Variants in SOX6 observed in about 807,000 individuals in gnomAD.
SOX6 encodes SRY-box transcription factor 6.
A neutral mutation model predicts 97.8 loss-of-function variants in SOX6; 11 were observed. That is an observed-to-expected ratio of 0.11 (90% CI 0.07 to 0.19). The LOEUF (loss-of-function observed/expected upper bound fraction) is 0.19, where lower values mean the gene tolerates loss of function less well. Ranked by LOEUF, SOX6 falls within the 10% of genes least tolerant of loss-of-function variation. SOX6 has a pLI of 1.00. For missense variants in SOX6, 810 were observed against 1,039.5 expected, an observed-to-expected ratio of 0.78 and a Z score of 3.04; for synonymous variants, 360 against 371.4, an observed-to-expected ratio of 0.97 and a Z score of 0.35.
At chr11:16,103,251 G>A (rs952521870) in intron 7 of SOX6, among the ~76,000 whole-genome samples, 13 of 151,582 alleles carry the variant, frequency 8.6e-5, no homozygotes, top group Non-Finnish European at 1.8e-4. Context: ...ATACACAAAT[G>A]GCCAATGATC....
intron 4 of SOX6, among the ~76,000 whole-genome samples, chr11:16,215,407 G>GT (rs1274340517): frequency 2.6e-5 from 4 of 152,154 alleles, no homozygotes; most frequent in Non-Finnish European, 4.4e-5. Context: ...TGTTATTAAA[G>GT]TTCTATTCAT....
intron 3 of SOX6, among the ~76,000 whole-genome samples, chr11:16,676,227 C>T (rs1194195192): frequency 6.6e-6 from 1 of 152,216 alleles, no homozygotes; most frequent in East Asian, 1.9e-4. Flanking sequence ...TTATGCTTCT[C>T]AACACCATAA....
At chr11:16,211,056 C>T (rs1458840791) in intron 4 of SOX6, among the ~76,000 whole-genome samples, 2 of 151,952 alleles carry the variant, frequency 1.3e-5, no homozygotes, top group African/African-American at 2.4e-5. Flanking sequence ...TGCAAAAGTC[C>T]TAATGTGGTG....
At chr11:16,033,494 T>C (rs1411128682) in intron 12 of SOX6, among the ~76,000 whole-genome samples, 1 of 152,146 alleles carries the variant, frequency 6.6e-6, no homozygotes, top group East Asian at 1.9e-4. Flanking sequence ...CCTGGAGAAA[T>C]CATTTCATGG....
At chr11:16,310,022 C>A (rs1855551747) in intron 3 of SOX6, among the ~76,000 whole-genome samples, 1 of 152,018 alleles carries the variant, frequency 6.6e-6, no homozygotes, top group African/African-American at 2.4e-5. Flanking sequence ...AAATCAGAAA[C>A]AATTGCCTGC....
intron 4 of SOX6, among the ~76,000 whole-genome samples, chr11:16,205,328 A>G (rs1351392281): frequency 4.6e-5 from 7 of 152,218 alleles, no homozygotes; most frequent in Non-Finnish European, 7.4e-5. Context: ...AAAGACTTCA[A>G]TGCCCATCAC....
chr11:16,418,653 G>GA (rs1406502877), intron 1 of SOX6, among the ~76,000 whole-genome samples: 1 of 151,796 alleles, frequency 6.6e-6, no homozygotes, highest in African/African-American at 2.4e-5. Flanking sequence ...ATTACTGTGG[G>GA]AAAAAACAGT....
At chr11:16,079,602 G>A (rs1327358604) in intron 9 of SOX6, among the ~76,000 whole-genome samples, 1 of 151,844 alleles carries the variant, frequency 6.6e-6, no homozygotes, top group Non-Finnish European at 1.5e-5. Context: ...TATAAATATC[G>A]AGACATAAGG....
chr11:16,317,907 G>C lies in SOX6; in HGVS notation c.445+539C>G, dbSNP rs1390503144. ...GTGAACTCTTGTACAGAGTAGAGAA[G>C]GTAGATGTGGGATGTTGCAAGAGAT... On this transcript the variant is annotated intron_variant, in intron 3 of 15. Transcript: ENST00000683767. 4 of 447,396 alleles carry C rather than the reference G, an allele frequency of 8.9e-6. No individual in the cohort carries two copies. The East Asian group carries it at 2.8e-4, about 31-fold the overall frequency. The allele number at this position is 447,396 out of a possible 1,614,324, so 27.7% of individuals were successfully genotyped here. A position where few individuals can be genotyped will look rare whatever the true frequency, so the allele number is the denominator to read the frequency against.
At chr11:16,288,134 G>A (rs931429581) in intron 3 of SOX6, among the ~76,000 whole-genome samples, 10 of 152,044 alleles carry the variant, frequency 6.6e-5, no homozygotes, top group Admixed American at 4.6e-4. Context: ...AGAAAAGGCA[G>A]GAGTACAGTG....
At chr11:16,280,880 C>T (rs1490501955) in intron 3 of SOX6, among the ~76,000 whole-genome samples, 17 of 152,000 alleles carry the variant, frequency 1.1e-4, no homozygotes, top group African/African-American at 4.1e-4. Context: ...TCAATAAATT[C>T]CTTTGCCTTA....
chr11:16,557,646 T>TA (rs1847764531), intron 4 of SOX6, among the ~76,000 whole-genome samples: 1 of 151,866 alleles, frequency 6.6e-6, no homozygotes, highest in Admixed American at 6.6e-5. Flanking sequence ...CAAATATCCA[T>TA]ATTTCTCACC....
intron 9 of SOX6, among the ~76,000 whole-genome samples, chr11:16,058,960 C>T (rs865775314): frequency 6.6e-6 from 1 of 152,036 alleles, no homozygotes; most frequent in Non-Finnish European, 1.5e-5. Context: ...TCTACAGTTC[C>T]ACCTTTTACA....
At chr11:16,550,043 T>C (rs927367947) in intron 4 of SOX6, among the ~76,000 whole-genome samples, 2 of 152,094 alleles carry the variant, frequency 1.3e-5, no homozygotes, top group African/African-American at 2.4e-5. Flanking sequence ...GCCATCCCAT[T>C]ACTGGGTAAC....
intron 3 of SOX6, among the ~76,000 whole-genome samples, chr11:16,664,720 C>A (rs923952846): frequency 2.0e-5 from 3 of 151,986 alleles, no homozygotes; most frequent in Admixed American, 6.6e-5. Context: ...GCCAGGGAAG[C>A]CAAGGGAGTG....
intron 9 of SOX6, among the ~76,000 whole-genome samples, chr11:16,070,703 G>C (rs1848202847): frequency 6.6e-6 from 1 of 151,750 alleles, no homozygotes; most frequent in Non-Finnish European, 1.5e-5. Context: ...AGTGAAACTG[G>C]GCACCAGTCT....
chr11:16,390,110 G>A (rs1181621179), intron 1 of SOX6, among the ~76,000 whole-genome samples: 1 of 151,186 alleles, frequency 6.6e-6, no homozygotes, highest in Admixed American at 6.6e-5. Flanking sequence ...GATCAATCCT[G>A]TTCGTGGATG....
chr11:16,045,034 G>T (rs193225283), intron 12 of SOX6, among the ~76,000 whole-genome samples: 10 of 151,680 alleles, frequency 6.6e-5, no homozygotes, highest in African/African-American at 2.4e-4. Context: ...TCCCTCTCCC[G>T]TGTGTTCCAA....
chr11:16,034,109 T>C (rs1365021943), intron 12 of SOX6, among the ~76,000 whole-genome samples: 1 of 152,190 alleles, frequency 6.6e-6, no homozygotes, highest in Non-Finnish European at 1.5e-5. Flanking sequence ...ATTGTTGATA[T>C]TTTAATCTCA....
Sources: gnomAD v4.1 joint callset for allele counts (sites outside exome capture counted in the v4.1 genomes callset) on GRCh38, gnomAD v4.1.1 for gene constraint, MANE v1.5 for transcripts, NCBI Gene and HGNC (gene_info 2026-07-23, HGNC 2026-07-21) for gene names.